Variants in ITGA9 observed in about 807,000 individuals in gnomAD.
ITGA9 encodes integrin alpha-9.
ITGA9 carries 56 observed loss-of-function variants against 127.8 expected under a neutral mutation model. The observed-to-expected ratio is 0.44, with a 90% CI of 0.35 to 0.55. ITGA9 has a LOEUF of 0.55. ITGA9 is among the 20% of genes least tolerant of loss of function. The pLI, the probability that ITGA9 is intolerant of heterozygous loss-of-function variation, is 0.00. For synonymous variants in ITGA9, 508 were observed against 514.5 expected (o/e 0.99, Z 0.17); for missense variants, 1,196 against 1,347.1 (o/e 0.89, Z 1.76).
chr3:37,538,127 G>A (rs968400976), intron 14 of ITGA9, among the ~76,000 whole-genome samples: 6 of 152,214 alleles, frequency 3.9e-5, no homozygotes, highest in African/African-American at 7.2e-5. Context: ...AGGAAGGGGC[G>A]CTCTCTGAGT....
At chr3:37,793,590 T>C (rs575716941) in intron 26 of ITGA9, among the ~76,000 whole-genome samples, 1 of 151,812 alleles carries the variant, frequency 6.6e-6, no homozygotes, top group Admixed American at 6.6e-5. Context: ...GCATTCAAGA[T>C]GAAGTCAGAT....
At chr3:37,813,189 T>C (rs1697389473) in intron 27 of ITGA9, among the ~76,000 whole-genome samples, 1 of 152,204 alleles carries the variant, frequency 6.6e-6, no homozygotes, top group Non-Finnish European at 1.5e-5. Context: ...ATTTAGACCA[T>C]GTATCTCTTA....
chr3:37,467,052 G>C (rs1053838931), intron 1 of ITGA9, among the ~76,000 whole-genome samples: 1 of 152,188 alleles, frequency 6.6e-6, no homozygotes, highest in African/African-American at 2.4e-5. Context: ...ATTAACTTCA[G>C]AAAAGACTCA....
At position 37,506,076 on chromosome 3, in the gene ITGA9, C is replaced by T. The variant is rs1225820794; in HGVS notation, c.819C>T (p.Gly273=). The change falls in exon 7 of 28, where the codon GGC becomes GGT. Residue 273 remains glycine, a synonymous_variant. Transcript: ENST00000264741. ...DVVGGAPQDK[G]IGKVYIFRAD... ...TAGGAGGTGCCCCACAGGACAAAGG[C>T]ATCGGCAAGGTGAGGAGAAACATCT... The T allele has an allele frequency of 6.2e-7, 1 of 1,607,794 alleles. No homozygotes were observed. Among genetic ancestry groups the T allele is most frequent in the Non-Finnish European group, 8.5e-7 (1 of 1,176,632 alleles).
intron 18 of ITGA9, among the ~76,000 whole-genome samples, chr3:37,700,877 G>A (rs1297212283): frequency 6.6e-6 from 1 of 152,156 alleles, no homozygotes; most frequent in Non-Finnish European, 1.5e-5. Flanking sequence ...ACAATGTAGG[G>A]GTTTGGAGAA....
intron 17 of ITGA9, among the ~76,000 whole-genome samples, chr3:37,672,374 A>C (rs574027892): frequency 6.6e-6 from 1 of 152,170 alleles, no homozygotes; most frequent in South Asian, 2.1e-4. Context: ...TATAAAGGGG[A>C]GTTCCCCTGC....
chr3:37,693,269 TGGGAG>T (rs1189336061), intron 18 of ITGA9, among the ~76,000 whole-genome samples: 1 of 152,090 alleles, frequency 6.6e-6, no homozygotes, highest in Non-Finnish European at 1.5e-5. Context: ...GAGGGTATTG[TGGGAG>T]GGGTGATGAT....
chr3:37,745,459 T>A (rs1696489203), intron 22 of ITGA9: 1 of 152,250 alleles, frequency 6.6e-6, no homozygotes, highest in African/African-American at 2.4e-5. Flanking sequence ...TTTATTTTTC[T>A]CCTTTGCTTT....
chr3:37,544,701 G>T (rs1443310248), intron 15 of ITGA9, among the ~76,000 whole-genome samples: 1 of 152,188 alleles, frequency 6.6e-6, no homozygotes, highest in Non-Finnish European at 1.5e-5. Context: ...CAAAAGAGCA[G>T]GCCTGCTTCA....
At chr3:37,788,260 A>G (rs1697064938) in intron 26 of ITGA9, among the ~76,000 whole-genome samples, 2 of 152,076 alleles carry the variant, frequency 1.3e-5, no homozygotes, top group South Asian at 2.1e-4. Flanking sequence ...TATACCCACA[A>G]TTCACACTTT....
intron 23 of ITGA9, among the ~76,000 whole-genome samples, chr3:37,762,557 A>G (rs369097697): frequency 2.6e-5 from 4 of 152,106 alleles, no homozygotes; most frequent in African/African-American, 7.2e-5. Context: ...AAGGTGTCAG[A>G]CTCAATCTGT....
chr3:37,464,918 A>T (rs1698353919), intron 1 of ITGA9, among the ~76,000 whole-genome samples: 1 of 152,180 alleles, frequency 6.6e-6, no homozygotes, highest in Non-Finnish European at 1.5e-5. Flanking sequence ...CCTTTACTCA[A>T]GCCTGGGCTG....
chr3:37,647,863 A>G (rs922149525), intron 16 of ITGA9, among the ~76,000 whole-genome samples: 37 of 152,024 alleles, frequency 2.4e-4, no homozygotes, highest in Admixed American at 2.0e-4. Flanking sequence ...GTATATATAT[A>G]TGTGTGTGTG....
chr3:37,755,179 T>A (rs1696635577), intron 23 of ITGA9, among the ~76,000 whole-genome samples: 1 of 152,150 alleles, frequency 6.6e-6, no homozygotes, highest in East Asian at 1.9e-4. Flanking sequence ...CATCCCAAGT[T>A]GAGGAACCAA....
chr3:37,698,565 T>C (rs746351064), intron 18 of ITGA9, among the ~76,000 whole-genome samples: 1 of 152,250 alleles, frequency 6.6e-6, no homozygotes, highest in African/African-American at 2.4e-5. Flanking sequence ...TGCCACAATA[T>C]GTTTTCTCCA....
intron 15 of ITGA9, among the ~76,000 whole-genome samples, chr3:37,618,406 G>A (rs1019059616): frequency 4.6e-5 from 7 of 152,216 alleles, no homozygotes; most frequent in African/African-American, 1.4e-4. Flanking sequence ...CTACTCGGGG[G>A]CCAGGGACCC....
intron 23 of ITGA9, among the ~76,000 whole-genome samples, chr3:37,774,862 C>T (rs1696887935): frequency 2.0e-5 from 3 of 152,182 alleles, no homozygotes; most frequent in Admixed American, 6.5e-5. Flanking sequence ...AAACCTTCAC[C>T]TTATTTATTT....
chr3:37,660,306 G>A (rs1465548769), intron 17 of ITGA9, among the ~76,000 whole-genome samples: 1 of 152,142 alleles, frequency 6.6e-6, no homozygotes, highest in Non-Finnish European at 1.5e-5. Flanking sequence ...ATATGGATTT[G>A]TTTTGTCTTG....
intron 5 of ITGA9, 40 bp downstream of exon 5, chr3:37,494,608 G>T (rs768289563): frequency 1.9e-6 from 3 of 1,542,382 alleles, no homozygotes; most frequent in Non-Finnish European, 2.7e-6. Context: ...TCTCTTGTGG[G>T]TGTTCATTTC....
Sources: gnomAD v4.1 joint callset for allele counts (sites outside exome capture counted in the v4.1 genomes callset) on GRCh38, gnomAD v4.1.1 for gene constraint, MANE v1.5 for transcripts, NCBI Gene and HGNC (gene_info 2026-07-23, HGNC 2026-07-21) for gene names.